The following SNX30 variants were observed in gnomAD, a reference collection of about 807,000 sequenced individuals.
The protein encoded by SNX30 is sorting nexin family member 30.
Under a neutral mutation model 46.4 loss-of-function variants are expected in SNX30, and 24 were observed. The observed-to-expected ratio is 0.52, with a 90% CI of 0.37 to 0.73. The LOEUF is 0.73. SNX30 is among the 30% of genes least tolerant of loss of function. The probability of loss-of-function intolerance (pLI) is 0.00; values close to 1 mark genes in which losing one functional copy is unlikely to be tolerated. For synonymous variants in SNX30, 189 were observed against 211.5 expected (o/e 0.89, Z 0.92); for missense variants, 533 against 555.7 (o/e 0.96, Z 0.41).
At chr9:112,833,306 G>T (rs1179819287) in intron 4 of SNX30, among the ~76,000 whole-genome samples, 2 of 152,124 alleles carry the variant, frequency 1.3e-5, no homozygotes, top group South Asian at 2.1e-4. Context: ...ATGCAGAGAC[G>T]CTCTTCCTTT....
intron 2 of SNX30, among the ~76,000 whole-genome samples, chr9:112,809,318 G>A (rs866207868): frequency 9.2e-5 from 14 of 151,610 alleles, no homozygotes; most frequent in African/African-American, 2.7e-4. Context: ...GACCTCAGGC[G>A]ATCTGCCCAC....
At chr9:112,826,438 G>A (rs1840580507) in intron 3 of SNX30, among the ~76,000 whole-genome samples, 2 of 152,116 alleles carry the variant, frequency 1.3e-5, no homozygotes, top group Admixed American at 6.5e-5. Context: ...TAAGGTCAAG[G>A]GGTGGTTGGA....
chr9:112,868,912 C>A lies in SNX30; in HGVS notation c.*69C>A. 1 of 1,465,738 alleles carries A rather than the reference C, an allele frequency of 6.8e-7. No individual in the cohort carries two copies. The highest frequency in any genetic ancestry group is 9.6e-7 in the Non-Finnish European group (1 of 1,045,422). The allele number at this position is 1,465,738 out of a possible 1,614,324, so 90.8% of individuals were successfully genotyped here. A position where few individuals can be genotyped will look rare whatever the true frequency, so the allele number is the denominator to read the frequency against. The stretch of plus-strand genomic sequence containing the variant: ...GGCACCCTATACCGGAATGTCCCTG[C>A]AGTGCCAGAGACGCAGTGCTGGGAA... On this transcript the variant is annotated 3_prime_UTR_variant, in exon 9 of 9. Coordinates refer to ENST00000374232, the MANE Select transcript of SNX30 (RefSeq NM_001012994.2).
At chr9:112,835,770 C>T (rs1840741551) in intron 4 of SNX30, among the ~76,000 whole-genome samples, 1 of 152,150 alleles carries the variant, frequency 6.6e-6, no homozygotes, top group Admixed American at 6.5e-5. Flanking sequence ...CCACTGTTTC[C>T]TGCTTTCCAC....
intron 1 of SNX30, among the ~76,000 whole-genome samples, chr9:112,792,597 T>G (rs1840044703): frequency 6.6e-6 from 1 of 152,110 alleles, no homozygotes; most frequent in African/African-American, 2.4e-5. Flanking sequence ...GCTAACTTTT[T>G]GTATTTTTAC....
intron 1 of SNX30, among the ~76,000 whole-genome samples, chr9:112,795,881 A>G (rs1188584111): frequency 6.6e-6 from 1 of 152,132 alleles, no homozygotes; most frequent in East Asian, 1.9e-4. Context: ...TAAATGATTA[A>G]AACTACAAAA....
rs34992498 is a variant in SNX30, at chr9:112,809,091, CT to C, written c.348+4139del. ...TTGCCCAAAAGACATGATTTTCTTT[CT>C]TTTTTTTTTTTTTTGACAGAGTCTT... is the stretch of plus-strand genomic sequence containing the variant. On this transcript the variant is annotated intron_variant, in intron 2 of 8. Transcript: ENST00000374232. Among the ~76,000 whole-genome samples, 422 of 144,372 alleles carry C rather than the reference CT, an allele frequency of 2.9e-3. 1 individual carries two copies. The highest frequency in any genetic ancestry group is 7.6e-3 in the South Asian group (35 of 4,608). 94.7% of individuals were successfully genotyped at this position (144,372 alleles called of 152,430 possible).
chr9:112,786,266 C>T (rs942428253), intron 1 of SNX30, among the ~76,000 whole-genome samples: 1 of 151,992 alleles, frequency 6.6e-6, no homozygotes, highest in South Asian at 2.1e-4. Flanking sequence ...TATAGCCGTG[C>T]ACCATCACGC....
downstream of SNX30, among the ~76,000 whole-genome samples, chr9:112,882,813 G>T (rs539751949): frequency 6.6e-6 from 1 of 152,232 alleles, no homozygotes; most frequent in Admixed American, 6.5e-5. Flanking sequence ...TATTTTGGAA[G>T]TTTAAATGGT....
intron 8 of SNX30, among the ~76,000 whole-genome samples, chr9:112,866,872 C>CACCACCTCAGAACTCCTCCT (rs1841355322): frequency 1.3e-5 from 2 of 148,656 alleles, no homozygotes; most frequent in South Asian, 4.4e-4. Flanking sequence ...GAACTCCTCC[C>CACCACCTCAGAACTCCTCCT]ACCTCCTCAG....
chr9:112,833,933 G>A (rs1840709504), intron 4 of SNX30, among the ~76,000 whole-genome samples: 1 of 152,212 alleles, frequency 6.6e-6, no homozygotes, highest in South Asian at 2.1e-4. Context: ...AACTAGAGGA[G>A]ATTGCTGCTG....
chr9:112,778,796 G>A (rs567030016), intron 1 of SNX30, among the ~76,000 whole-genome samples: 1 of 152,154 alleles, frequency 6.6e-6, no homozygotes, highest in East Asian at 1.9e-4. Flanking sequence ...CACACCTTAT[G>A]GTTCAGTGCC....
Position 112,868,938 on chromosome 9 carries a change from A to G in SNX30, c.*95A>G. On this transcript the variant is annotated 3_prime_UTR_variant, in exon 9 of 9. Transcript: ENST00000374232. ...AGTGCCAGAGACGCAGTGCTGGGAAAACAACCACAGAAACATCTCTCCTTT... is the reference window on the plus strand; with the variant it reads ...AGTGCCAGAGACGCAGTGCTGGGAAGACAACCACAGAAACATCTCTCCTTT... 5.0e-6 allele frequency: 6 copies of G among 1,208,458 alleles called. No individual in the cohort carries two copies. The highest frequency in any genetic ancestry group is 7.4e-6 in the Non-Finnish European group (6 of 814,726). 74.9% of individuals were successfully genotyped at this position (1,208,458 alleles called of 1,614,324 possible).
At chr9:112,819,504 T>C (rs1840458816) in intron 3 of SNX30, among the ~76,000 whole-genome samples, 1 of 152,076 alleles carries the variant, frequency 6.6e-6, no homozygotes, top group Admixed American at 6.6e-5. Flanking sequence ...TGATCTCAGG[T>C]AATCCTCCCA....
chr9:112,836,795 A>T lies in SNX30; in HGVS notation c.814+386A>T, dbSNP rs117438178. Among the ~76,000 whole-genome samples the T allele has an allele frequency of 4.2e-3, 638 of 152,348 alleles. 5 individuals carry two copies. The highest frequency in any genetic ancestry group is 7.9e-3 in the Non-Finnish European group (535 of 68,030). ...TCTGGCAGAAAGATGGTTCAGAAAGATAGCATGGAGACCTGTGTTTGCCAA... is the reference window on the plus strand; with the variant it reads ...TCTGGCAGAAAGATGGTTCAGAAAGTTAGCATGGAGACCTGTGTTTGCCAA... On this transcript the variant is annotated intron_variant, in intron 5 of 8. Transcript: ENST00000374232.
At chr9:112,787,917 C>G (rs1396875049) in intron 1 of SNX30, among the ~76,000 whole-genome samples, 3 of 151,998 alleles carry the variant, frequency 2.0e-5, no homozygotes, top group African/African-American at 7.3e-5. Flanking sequence ...CTGTCTCAGC[C>G]TCCCGAGTAG....
intron 3 of SNX30, among the ~76,000 whole-genome samples, chr9:112,822,564 G>A (rs1420239620): frequency 9.5e-6 from 1 of 105,006 alleles, no homozygotes; most frequent in Admixed American, 1.3e-4. Flanking sequence ...GTAAGAACCT[G>A]TAACATAAGA....
At chr9:112,784,326 T>C (rs926740853) in intron 1 of SNX30, among the ~76,000 whole-genome samples, 4 of 152,304 alleles carry the variant, frequency 2.6e-5, no homozygotes, top group Non-Finnish European at 5.9e-5. Flanking sequence ...TCTGAAGTCT[T>C]TTTGTAAAAT....
At chr9:112,844,385 T>G (rs868205189) in intron 6 of SNX30, among the ~76,000 whole-genome samples, 5 of 152,112 alleles carry the variant, frequency 3.3e-5, no homozygotes, top group South Asian at 2.1e-4. Context: ...TTTGAGTTAG[T>G]CTAGAGTGGG....
Sources: gnomAD v4.1 joint callset for allele counts (sites outside exome capture counted in the v4.1 genomes callset) on GRCh38, gnomAD v4.1.1 for gene constraint, MANE v1.5 for transcripts, NCBI Gene and HGNC (gene_info 2026-07-23, HGNC 2026-07-21) for gene names.